Variants in TMPRSS9 observed in about 807,000 individuals in gnomAD.
TMPRSS9 encodes the protein transmembrane serine protease 9, also known as transmembrane protease serine 9.
In TMPRSS9, 113 loss-of-function variants were observed where a neutral mutation model predicts 111.4. The observed-to-expected ratio is 1.01, with a 90% CI of 0.87 to 1.19. TMPRSS9 has a LOEUF of 1.19. TMPRSS9 is among the 50% of genes most tolerant of loss of function. The probability of loss-of-function intolerance (pLI) is 0.00; values close to 1 mark genes in which losing one functional copy is unlikely to be tolerated. For synonymous variants in TMPRSS9, 805 were observed against 659.1 expected (o/e 1.22, Z -3.39); for missense variants, 1,803 against 1,513.1 (o/e 1.19, Z -3.18).
chr19:2,372,685 C>T (rs1970300010), intron 1 of TMPRSS9, among the ~76,000 whole-genome samples: 6 of 152,244 alleles, frequency 3.9e-5, no homozygotes, highest in Admixed American at 3.3e-4. Flanking sequence ...TTCATTGAAA[C>T]AGGCAGGTTT....
chr19:2,393,164 G>C (rs1970634953), intron 1 of TMPRSS9, among the ~76,000 whole-genome samples: 1 of 152,154 alleles, frequency 6.6e-6, no homozygotes, highest in African/African-American at 2.4e-5. Flanking sequence ...ACCGGCTTGG[G>C]GACCTTTTCA....
At chr19:2,391,893 C>T (rs1458352809) in intron 1 of TMPRSS9, among the ~76,000 whole-genome samples, 1 of 151,912 alleles carries the variant, frequency 6.6e-6, no homozygotes, top group Non-Finnish European at 1.5e-5. Flanking sequence ...AGGTGTGTGC[C>T]ACTACGCCGA....
chr19:2,418,287 C>CCTCCTTTTCCTTTCCTCCTTTTCCTTTCT (rs1568189167), intron 13 of TMPRSS9, 149 bp downstream of exon 14: 1 of 773,718 alleles, frequency 1.3e-6, no homozygotes, highest in African/African-American at 3.4e-5. Flanking sequence ...CTTTTCCTTT[C>CCTCCTTTTCCTTTCCTCCTTTTCCTTTCT]CTCCTTTCCT....
intron 9 of TMPRSS9, among the ~76,000 whole-genome samples, chr19:2,411,503 G>A (rs1299969318): frequency 6.8e-6 from 1 of 147,394 alleles, no homozygotes; most frequent in African/African-American, 2.5e-5. Context: ...GTTCAAGCGA[G>A]TCTCCTGCCT....
rs932769531 is a variant in TMPRSS9, at chr19:2,424,069, C to T, written c.2549-20C>T. On this transcript the variant is annotated intron_variant, in intron 14 of 17. Transcript: ENST00000648592. ...GAGGTGCCCTGGGTCCGCCTGCCCA[C>T]GCGCCTGGCTCCCCCGCAGACTGTG... 24 of 1,260,344 alleles carry T rather than the reference C, an allele frequency of 1.9e-5. No homozygotes were observed. Among genetic ancestry groups the T allele is most frequent in the Admixed American group, 4.2e-5 (1 of 23,878 alleles). 78.1% of individuals were successfully genotyped at this position (1,260,344 alleles called of 1,614,324 possible).
chr19:2,420,691 T>C (rs1971444274), intron 13 of TMPRSS9, among the ~76,000 whole-genome samples: 1 of 152,186 alleles, frequency 6.6e-6, no homozygotes, highest in African/African-American at 2.4e-5. Flanking sequence ...TCTCTGGGAC[T>C]CTGATCCCCA....
intron 2 of TMPRSS9, among the ~76,000 whole-genome samples, chr19:2,398,228 G>A (rs1238328892): frequency 1.3e-5 from 2 of 149,892 alleles, no homozygotes. Context: ...CCTGAGAGAC[G>A]GAAGTTGCAA....
At chr19:2,415,700 C>T in exon 11 of TMPRSS9, 1 of 1,605,850 alleles carries the variant, frequency 6.2e-7, no homozygotes, top group Non-Finnish European at 8.5e-7. Flanking sequence ...ATGGAGAAGC[C>T]CACCCGGGTC....
chr19:2,425,385 G>A (rs765723432), exon 17 of TMPRSS9: 5 of 1,544,988 alleles, frequency 3.2e-6, no homozygotes, highest in East Asian at 2.5e-5. Flanking sequence ...TGCAGAAGGC[G>A]GCCGTGCGCC....
At chr19:2,399,038 T>C in exon 4 of TMPRSS9, 1 of 1,612,466 alleles carries the variant, frequency 6.2e-7, no homozygotes. Flanking sequence ...TCCAGTGTCC[T>C]CGTACATTTC....
At position 2,418,312 on chromosome 19, in the gene TMPRSS9, TCCCTCCCTCCCTCCCTC is replaced by T. The variant is rs1568189320; in HGVS notation, c.2154+177_2154+193del. On this transcript the variant is annotated intron_variant, in intron 13 of 17. Transcript: ENST00000648592. Reference sequence around the variant, plus strand: ...CCTCCTTTCCTTCCCTCCCTTTCCCTCCCTCCCTCCCTCCCTCCCTTTCCTTCCCTCCCTTTCCCTCC... The same window carrying T: ...CCTCCTTTCCTTCCCTCCCTTTCCCTCCTTTCCTTCCCTCCCTTTCCCTCC... 2.6e-3 allele frequency among the ~76,000 whole-genome samples: 55 copies of T among 21,438 alleles called. 11 individuals carry two copies. The highest frequency in any genetic ancestry group is 0.02 in the African/African-American group (34 of 1,674). 14.1% of individuals were successfully genotyped at this position (21,438 alleles called of 152,430 possible). A position where few individuals can be genotyped will look rare whatever the true frequency, so the allele number is the denominator to read the frequency against.
At chr19:2,416,868 A>AG in intron 12 of TMPRSS9, 59 bp downstream of exon 13, 4 of 1,541,320 alleles carry the variant, frequency 2.6e-6, no homozygotes, top group Non-Finnish European at 3.5e-6. Context: ...TGGCCTGGGG[A>AG]GGGTCAGGAT....
At chr19:2,408,262 C>G (rs1255743249) in intron 7 of TMPRSS9, 94 bp from the exon 9 acceptor site, 12 of 1,219,378 alleles carry the variant, frequency 9.8e-6, no homozygotes, top group Non-Finnish European at 1.4e-5. Flanking sequence ...TGGGGGGATA[C>G]CCCTTACATT....
chr19:2,409,276 C>T (rs1364776972), intron 8 of TMPRSS9, among the ~76,000 whole-genome samples: 1 of 150,916 alleles, frequency 6.6e-6, no homozygotes, highest in Admixed American at 6.7e-5. Context: ...GTAGCTGGGA[C>T]TATAGGCATG....
Position 2,425,490 on chromosome 19 carries a change from C to CT in TMPRSS9, c.3118dup (p.Ser1040PhefsTer3). 6.3e-7 allele frequency: 1 copy of CT among 1,579,216 alleles called. No individual in the cohort carries two copies. The highest frequency in any genetic ancestry group is 8.6e-7 in the Non-Finnish European group (1 of 1,169,334). On this transcript the variant is annotated frameshift_variant, in exon 17 of 18. Transcript: ENST00000648592. LOFTEE classifies it low-confidence loss of function (END_TRUNC). ...TCCCGCAGGGTGGCGTGGACAGCTG[C>CT]TCGGTGAGCCCCGCCCCGGCCCAGG...
chr19:2,386,504 C>CA (rs954685263), upstream of TMPRSS9, among the ~76,000 whole-genome samples: 1,352 of 114,118 alleles, frequency 0.012, 21 homozygotes, highest in East Asian at 0.083. Context: ...GACTCCGTCT[C>CA]AAAAAAAAAA....
At chr19:2,424,418 C>T (rs1238644805) in intron 15 of TMPRSS9, among the ~76,000 whole-genome samples, 161 bp downstream of exon 16, 1 of 151,342 alleles carries the variant, frequency 6.6e-6, no homozygotes, top group African/African-American at 2.4e-5. Context: ...CCCATCTCCC[C>T]ATCCTCGCTC....
Position 2,395,293 on chromosome 19 carries a change from G to A in TMPRSS9, c.143-1246G>A, listed in dbSNP as rs913658001. Among the ~76,000 whole-genome samples, 20 of 152,024 alleles carry A rather than the reference G, an allele frequency of 1.3e-4. 1 individual carries two copies. The highest frequency in any genetic ancestry group is 3.9e-4 in the African/African-American group (16 of 41,390). On this transcript the variant is annotated intron_variant, in intron 1 of 17. Coordinates refer to ENST00000648592, the Ensembl canonical transcript of TMPRSS9. ...AAACTAGCCAGGTGTGGTGGTCCAC[G>A]CCTGTAATCCCAGCTACTCAGCAGG...
Position 2,390,374 on chromosome 19 carries a change from G to C in TMPRSS9, c.142+447G>C, listed in dbSNP as rs377230247. Among the ~76,000 whole-genome samples, 7 of 149,728 alleles carry C rather than the reference G, an allele frequency of 4.7e-5. No individual in the cohort carries two copies. In the East Asian group the frequency reaches 1.2e-3, roughly 25 times the overall value. ...TCTCCTGTGTCAGCCTCCCCGAGTA[G>C]CTGGGACTACAGGCGCCCGCCACCA... is the stretch of plus-strand genomic sequence containing the variant. On this transcript the variant is annotated intron_variant, in intron 1 of 17. Coordinates refer to ENST00000648592, the Ensembl canonical transcript of TMPRSS9.
Sources: allele counts gnomAD v4.1 joint callset (sites outside exome capture counted in the v4.1 genomes callset), GRCh38; gene constraint gnomAD v4.1.1; transcripts MANE v1.5; gene names NCBI Gene and HGNC (gene_info 2026-07-23, HGNC 2026-07-21).